The following SMYD3 variants were observed in gnomAD, a reference collection of about 807,000 sequenced individuals.
SMYD3 encodes SET and MYND domain containing 3, also known as histone-lysine N-methyltransferase SMYD3.
In SMYD3, 36 loss-of-function variants were observed where a neutral mutation model predicts 57.7. The observed-to-expected ratio is 0.62, with a 90% CI of 0.48 to 0.82. SMYD3 has a LOEUF of 0.82. Among genes scored for constraint, SMYD3 ranks in the 40% least tolerant of loss-of-function variants. SMYD3 has a pLI of 0.00. For synonymous variants in SMYD3, 211 were observed against 195.0 expected (o/e 1.08, Z -0.68); for missense variants, 515 against 538.8 (o/e 0.96, Z 0.44).
intron 3 of SMYD3, 143 bp from the exon 4 acceptor site, chr1:246,330,680 A>C: frequency 3.6e-5 from 19 of 523,356 alleles, no homozygotes; most frequent in South Asian, 1.1e-4. Context: ...CATCACTCTC[A>C]TTAGACTGAA....
intron 5 of SMYD3, among the ~76,000 whole-genome samples, chr1:246,115,897 C>A (rs6426277): frequency 1.3e-5 from 2 of 151,790 alleles, no homozygotes; most frequent in African/African-American, 4.8e-5. Context: ...CCAGCACTTC[C>A]GGAGGCCAAG....
chr1:245,851,374 G>A (rs2050967699), intron 10 of SMYD3, among the ~76,000 whole-genome samples: 1 of 152,212 alleles, frequency 6.6e-6, no homozygotes, highest in African/African-American at 2.4e-5. Flanking sequence ...CCAGGAATGT[G>A]AGATGTACCC....
intron 5 of SMYD3, among the ~76,000 whole-genome samples, chr1:245,959,011 G>T (rs1002016301): frequency 6.6e-6 from 1 of 152,152 alleles, no homozygotes; most frequent in Non-Finnish European, 1.5e-5. Context: ...AGGTTCAAGC[G>T]ATTTTCACGT....
At chr1:246,314,606 G>A (rs970790463) in intron 5 of SMYD3, among the ~76,000 whole-genome samples, 1 of 152,154 alleles carries the variant, frequency 6.6e-6, no homozygotes, top group African/African-American at 2.4e-5. Flanking sequence ...ACAGGTACCA[G>A]TGTCTAATAC....
chr1:245,892,954 G>GA (rs952651497), intron 8 of SMYD3, among the ~76,000 whole-genome samples: 4 of 152,124 alleles, frequency 2.6e-5, no homozygotes, highest in East Asian at 1.9e-4. Flanking sequence ...GCAAACTGAG[G>GA]AAAAAAACAT....
chr1:246,470,872 A>T (rs1289561494), intron 1 of SMYD3, among the ~76,000 whole-genome samples: 1 of 152,304 alleles, frequency 6.6e-6, no homozygotes, highest in East Asian at 1.9e-4. Flanking sequence ...TAGAATGGTT[A>T]TATAAGAGAA....
At chr1:246,410,032 G>A (rs2066937443) in intron 1 of SMYD3, among the ~76,000 whole-genome samples, 1 of 152,128 alleles carries the variant, frequency 6.6e-6, no homozygotes, top group African/African-American at 2.4e-5. Context: ...TGTATCCTGA[G>A]ACTGCTGAAG....
intron 5 of SMYD3, among the ~76,000 whole-genome samples, chr1:246,306,910 T>TC (rs1360589353): frequency 6.6e-6 from 1 of 151,778 alleles, no homozygotes; most frequent in Non-Finnish European, 1.5e-5. Context: ...TGGCTGATCC[T>TC]CAGACCAATG....
At chr1:245,987,418 A>C (rs954343171) in intron 5 of SMYD3, among the ~76,000 whole-genome samples, 1 of 152,202 alleles carries the variant, frequency 6.6e-6, no homozygotes, top group African/African-American at 2.4e-5. Context: ...GAGATAAATT[A>C]GCAAACACCA....
chr1:245,982,840 C>T (rs1447042842), intron 5 of SMYD3, among the ~76,000 whole-genome samples: 1 of 152,168 alleles, frequency 6.6e-6, no homozygotes, highest in African/African-American at 2.4e-5. Context: ...CTTTCGTAGC[C>T]ACACCTTTGG....
intron 1 of SMYD3, among the ~76,000 whole-genome samples, chr1:246,467,486 A>G (rs2067898381): frequency 6.6e-6 from 1 of 152,226 alleles, no homozygotes; most frequent in African/African-American, 2.4e-5. Flanking sequence ...GAAGACTCGA[A>G]TAAAGAAAAT....
intron 5 of SMYD3, among the ~76,000 whole-genome samples, chr1:246,066,153 C>G (rs2060336855): frequency 6.6e-6 from 1 of 152,156 alleles, no homozygotes. Context: ...TAGGCCCTAC[C>G]AATTTGAACT....
intron 10 of SMYD3, among the ~76,000 whole-genome samples, chr1:245,769,188 A>T (rs955331861): frequency 6.6e-6 from 1 of 152,222 alleles, no homozygotes; most frequent in Non-Finnish European, 1.5e-5. Flanking sequence ...CATTAGATAA[A>T]AGGATGGTAA....
At chr1:246,393,569 T>A (rs1162368412) in intron 1 of SMYD3, among the ~76,000 whole-genome samples, 1 of 150,330 alleles carries the variant, frequency 6.7e-6, no homozygotes, top group Non-Finnish European at 1.5e-5. Flanking sequence ...AATTGCCTAG[T>A]GGCTCATACC....
intron 1 of SMYD3, among the ~76,000 whole-genome samples, chr1:246,435,607 T>C (rs759757323): frequency 2.6e-5 from 4 of 151,854 alleles, no homozygotes; most frequent in Non-Finnish European, 5.9e-5. Flanking sequence ...TTCTCTAAGT[T>C]AGGAAAACAT....
At chr1:246,192,528 T>G (rs1179498370) in intron 5 of SMYD3, among the ~76,000 whole-genome samples, 5 of 152,200 alleles carry the variant, frequency 3.3e-5, no homozygotes, top group Non-Finnish European at 5.9e-5. Flanking sequence ...AGTGCTGGAA[T>G]TACAGGCGTG....
At chr1:246,121,801 G>A (rs2061429232) in intron 5 of SMYD3, among the ~76,000 whole-genome samples, 1 of 152,150 alleles carries the variant, frequency 6.6e-6, no homozygotes. Flanking sequence ...GGAAAAGAGT[G>A]CAGCGTTAAT....
intron 1 of SMYD3, among the ~76,000 whole-genome samples, chr1:246,425,251 G>A (rs564632227): frequency 2.6e-4 from 40 of 152,078 alleles, no homozygotes; most frequent in African/African-American, 3.6e-4. Flanking sequence ...ACCAGAAACC[G>A]CAAAGTTACC....
chr1:246,321,229 T>C (rs1268901280), intron 5 of SMYD3, among the ~76,000 whole-genome samples: 1 of 152,218 alleles, frequency 6.6e-6, no homozygotes, highest in African/African-American at 2.4e-5. Context: ...GACTGCGCTC[T>C]TGGCTAGATG....
Sources: allele counts gnomAD v4.1 joint callset (sites outside exome capture counted in the v4.1 genomes callset), GRCh38; gene constraint gnomAD v4.1.1; transcripts MANE v1.5; gene names NCBI Gene and HGNC (gene_info 2026-07-23, HGNC 2026-07-21).